ZNF260: variants seen among roughly 807,000 people sequenced by gnomAD.
ZNF260 encodes zfp-260.
ZNF260 carries 21 observed loss-of-function variants against 29.3 expected under a neutral mutation model. The observed-to-expected ratio is 0.72, with a 90% CI of 0.51 to 1.03. The LOEUF is 1.03. ZNF260 is among the 50% of genes least tolerant of loss of function. ZNF260 has a pLI of 0.00. For synonymous variants in ZNF260, 156 were observed against 156.8 expected (o/e 0.99, Z 0.04); for missense variants, 465 against 487.8 (o/e 0.95, Z 0.44).
At chr19:36,521,891 T>C (rs1007589958) in intron 2 of ZNF260, among the ~76,000 whole-genome samples, 1 of 151,150 alleles carries the variant, frequency 6.6e-6, no homozygotes, top group Non-Finnish European at 1.5e-5. Flanking sequence ...CTACTAAAAA[T>C]ACAAAAAATT....
rs61184857 is a variant in ZNF260, at chr19:36,524,517, G to GTTTTTTTTTTTT, written c.-462+626_-462+637dup. On this transcript the variant is annotated intron_variant, in intron 2 of 2. Transcript: ENST00000523638. ...TTTAAAGAAAATAACTTACATGCTA[G>GTTTTTTTTTTTT]TTTTTTTTTTTTTTTTTATTGATCA... 2.4e-3 allele frequency among the ~76,000 whole-genome samples: 216 copies of GTTTTTTTTTTTT among 90,872 alleles called. 5 individuals are homozygous for GTTTTTTTTTTTT. The highest frequency in any genetic ancestry group is 6.0e-3 in the Middle Eastern group (1 of 168). 59.6% of individuals were successfully genotyped at this position (90,872 alleles called of 152,430 possible).
chr19:36,521,199 ATT>A (rs1315541967), intron 2 of ZNF260, among the ~76,000 whole-genome samples: 1 of 152,146 alleles, frequency 6.6e-6, no homozygotes, highest in African/African-American at 2.4e-5. Flanking sequence ...GGTATTATTT[ATT>A]TTGTTTTCCA....
At position 36,513,410 on chromosome 19, in the gene ZNF260, T is replaced by C. The variant is rs2034484360; in HGVS notation, c.*590A>G. 1 of 208,886 alleles carries C rather than the reference T, an allele frequency of 4.8e-6. No individual in the cohort carries two copies. Among genetic ancestry groups the C allele is most frequent in the Non-Finnish European group, 9.4e-6 (1 of 106,478 alleles). 12.9% of individuals were successfully genotyped at this position (208,886 alleles called of 1,614,324 possible). On this transcript the variant is annotated 3_prime_UTR_variant, in exon 3 of 3. Coordinates refer to ENST00000523638, the MANE Select transcript of ZNF260 (RefSeq NM_001166037.2). ...CTTTAAGAATTCATAAGAAAAATAT[T>C]TTATATTATGATGGGAGATATTATT...
intron 2 of ZNF260, among the ~76,000 whole-genome samples, chr19:36,524,707 G>A (rs966768436): frequency 1.3e-5 from 2 of 151,670 alleles, no homozygotes; most frequent in Non-Finnish European, 2.9e-5. Context: ...ATTAGGGAGT[G>A]GTGATGACTC....
intron 2 of ZNF260, among the ~76,000 whole-genome samples, chr19:36,520,463 G>A (rs1270322061): frequency 6.6e-6 from 1 of 151,974 alleles, no homozygotes; most frequent in Non-Finnish European, 1.5e-5. Flanking sequence ...GATGCGAACT[G>A]AAACCAGAAA....
Position 36,521,391 on chromosome 19 carries a change from C to T in ZNF260, c.-462+3764G>A, listed in dbSNP as rs532394631. On this transcript the variant is annotated intron_variant, in intron 2 of 2. Transcript: ENST00000523638. ...TAACACTGTAAATGACAATGCTGAA[C>T]TGAACTAGAAAACATAATCAGAACA... 2.0e-5 allele frequency among the ~76,000 whole-genome samples: 3 copies of T among 152,300 alleles called. No homozygotes were observed. In the East Asian group the frequency reaches 5.8e-4, roughly 29 times the overall value.
At chr19:36,524,890 ATGAC>A (rs2034709201) in intron 2 of ZNF260, among the ~76,000 whole-genome samples, 1 of 152,198 alleles carries the variant, frequency 6.6e-6, no homozygotes, top group Non-Finnish European at 1.5e-5. Flanking sequence ...ATGATGTAGA[ATGAC>A]TGGCATCCAG....
chr19:36,526,967 C>A (rs984495324), intron 1 of ZNF260, among the ~76,000 whole-genome samples: 3 of 152,200 alleles, frequency 2.0e-5, no homozygotes, highest in African/African-American at 7.2e-5. Flanking sequence ...CTAGACAGTG[C>A]TATAAATTGC....
chr19:36,517,625 T>C (rs2034573066), intron 2 of ZNF260, among the ~76,000 whole-genome samples: 1 of 152,110 alleles, frequency 6.6e-6, no homozygotes, highest in Non-Finnish European at 1.5e-5. Flanking sequence ...TGAACTCTCC[T>C]AGCTGGACAG....
chr19:36,524,670 C>T lies in ZNF260; in HGVS notation c.-462+485G>A, dbSNP rs555503844. ...AGGCAGAGGACCCTGCGGCCTTCCGCAGTGTTTGTGTCCCTGGGTACTTAA... is the reference window on the plus strand; with the variant it reads ...AGGCAGAGGACCCTGCGGCCTTCCGTAGTGTTTGTGTCCCTGGGTACTTAA... On this transcript the variant is annotated intron_variant, in intron 2 of 2. Transcript: ENST00000523638. Among the ~76,000 whole-genome samples the T allele has an allele frequency of 2.6e-5, 4 of 151,896 alleles. No homozygotes were observed. The East Asian group carries it at 7.7e-4, about 29-fold the overall frequency.
chr19:36,512,042 T>C lies in ZNF260; in HGVS notation c.*1958A>G, dbSNP rs903157082. The C allele has an allele frequency of 2.0e-5, 3 of 152,194 alleles. No individual in the cohort carries two copies. Among genetic ancestry groups the C allele is most frequent in the East Asian group, 1.9e-4 (1 of 5,198 alleles). 9.4% of individuals were successfully genotyped at this position (152,194 alleles called of 1,614,324 possible). A position where few individuals can be genotyped will look rare whatever the true frequency, so the allele number is the denominator to read the frequency against. On this transcript the variant is annotated 3_prime_UTR_variant, in exon 3 of 3. Transcript: ENST00000523638. ...TAAAAACTAATTCTCTCCATGTCTGTGCATATATTATTTAATAATATGATC... is the reference window on the plus strand; with the variant it reads ...TAAAAACTAATTCTCTCCATGTCTGCGCATATATTATTTAATAATATGATC...
intron 2 of ZNF260, among the ~76,000 whole-genome samples, chr19:36,521,457 A>G (rs1048898709): frequency 2.0e-5 from 3 of 152,274 alleles, no homozygotes; most frequent in African/African-American, 7.2e-5. Context: ...CCATGGTTTA[A>G]AAAATATTCT....
intron 2 of ZNF260, among the ~76,000 whole-genome samples, chr19:36,519,227 A>C (rs539226972): frequency 6.6e-6 from 1 of 152,360 alleles, no homozygotes; most frequent in East Asian, 1.9e-4. Flanking sequence ...CAAAAATGGA[A>C]AACTAAGCAA....
At chr19:36,526,513 C>T (rs143499084) in intron 1 of ZNF260, among the ~76,000 whole-genome samples, 105 of 152,296 alleles carry the variant, frequency 6.9e-4, no homozygotes, top group East Asian at 3.7e-3. Flanking sequence ...GCACTCCAGT[C>T]TGGGTGACAG....
chr19:36,511,169 G>T lies in ZNF260; in HGVS notation c.*2831C>A, dbSNP rs1283738920. The T allele has an allele frequency of 1.3e-5, 2 of 152,072 alleles. No individual in the cohort carries two copies. The highest frequency in any genetic ancestry group is 2.4e-5 in the African/African-American group (1 of 41,426). 9.4% of individuals were successfully genotyped at this position (152,072 alleles called of 1,614,324 possible). On this transcript the variant is annotated 3_prime_UTR_variant, in exon 3 of 3. Transcript: ENST00000523638. ...TATTAACATTATATTGAGTTTAAAA[G>T]AAATTAATATATTTAAAATCAGTCT...
At chr19:36,516,815 T>G (rs937040022) in intron 2 of ZNF260, among the ~76,000 whole-genome samples, 6 of 152,112 alleles carry the variant, frequency 3.9e-5, no homozygotes, top group Admixed American at 3.9e-4. Flanking sequence ...CCTGACCTCG[T>G]GATCTGCCCG....
intron 1 of ZNF260, among the ~76,000 whole-genome samples, chr19:36,527,065 C>T (rs981384416): frequency 3.3e-5 from 5 of 152,198 alleles, no homozygotes; most frequent in African/African-American, 9.6e-5. Flanking sequence ...TTCCCTGTAA[C>T]TTCCAGGTGG....
At chr19:36,524,383 G>A (rs922057145) in intron 2 of ZNF260, among the ~76,000 whole-genome samples, 5 of 151,834 alleles carry the variant, frequency 3.3e-5, no homozygotes, top group African/African-American at 1.2e-4. Context: ...GTTTCACCGT[G>A]TTAGCCAGGA....
intron 1 of ZNF260, among the ~76,000 whole-genome samples, chr19:36,527,492 A>G (rs1222807442): frequency 6.6e-6 from 1 of 152,182 alleles, no homozygotes. Flanking sequence ...GGCTGGGGAA[A>G]CCCTGATTAA....
Sources: gnomAD v4.1 joint callset for allele counts (sites outside exome capture counted in the v4.1 genomes callset) on GRCh38, gnomAD v4.1.1 for gene constraint, MANE v1.5 for transcripts, NCBI Gene and HGNC (gene_info 2026-07-23, HGNC 2026-07-21) for gene names.